Variants in PRKCA observed in about 807,000 individuals in gnomAD.
PRKCA encodes the protein protein kinase C alpha type.
PRKCA carries 27 observed loss-of-function variants against 87.0 expected under a neutral mutation model. The observed-to-expected ratio is 0.31, with a 90% CI of 0.23 to 0.43. The LOEUF (loss-of-function observed/expected upper bound fraction) is 0.43. PRKCA is among the 20% of genes least tolerant of loss of function. The pLI is 1.00. For missense variants in PRKCA, 518 were observed against 852.3 expected (o/e 0.61, Z 4.88); for synonymous variants, 329 against 311.1 (o/e 1.06, Z -0.61).
intron 14 of PRKCA, among the ~76,000 whole-genome samples, chr17:66,783,013 A>G (rs1294659448): frequency 6.6e-6 from 1 of 152,200 alleles, no homozygotes; most frequent in Non-Finnish European, 1.5e-5. Context: ...TCCTACCCTC[A>G]TGCCCACGAT....
At chr17:66,356,151 A>C (rs1908033641) in intron 2 of PRKCA, among the ~76,000 whole-genome samples, 1 of 152,132 alleles carries the variant, frequency 6.6e-6, no homozygotes, top group African/African-American at 2.4e-5. Context: ...CACCCACCTC[A>C]GCCTCCCAAA....
At chr17:66,312,648 G>A (rs1424020579) in intron 2 of PRKCA, among the ~76,000 whole-genome samples, 1 of 149,744 alleles carries the variant, frequency 6.7e-6, no homozygotes, top group Non-Finnish European at 1.5e-5. Context: ...GATGATATCT[G>A]TTTCACCTGT....
intron 5 of PRKCA, among the ~76,000 whole-genome samples, chr17:66,670,358 A>G (rs1320278973): frequency 1.3e-5 from 2 of 152,204 alleles, no homozygotes; most frequent in Non-Finnish European, 2.9e-5. Context: ...TAGAGATCCC[A>G]TACTCCAGAT....
chr17:66,573,663 T>C (rs192603667), intron 3 of PRKCA, among the ~76,000 whole-genome samples: 1 of 152,346 alleles, frequency 6.6e-6, no homozygotes, highest in African/African-American at 2.4e-5. Context: ...CAACAAAGCA[T>C]AACATTATTC....
chr17:66,557,536 T>G (rs1968536750), intron 3 of PRKCA, among the ~76,000 whole-genome samples: 1 of 152,160 alleles, frequency 6.6e-6, no homozygotes, highest in Admixed American at 6.5e-5. Context: ...TTCGAATGAA[T>G]AAATTCAACA....
intron 5 of PRKCA, among the ~76,000 whole-genome samples, chr17:66,670,720 G>A (rs189690622): frequency 1.1e-4 from 16 of 152,050 alleles, no homozygotes; most frequent in South Asian, 2.1e-4. Flanking sequence ...AGAAATGACC[G>A]GTGTGATGGC....
Position 66,786,896 on chromosome 17 carries a change from G to A in PRKCA, c.1635G>A (p.Glu545=). The A allele has an allele frequency of 6.2e-7, 1 of 1,614,112 alleles. No individual in the cohort carries two copies. Among genetic ancestry groups the A allele is most frequent in the Admixed American group, 1.7e-5 (1 of 60,016 alleles). ...CATTTGATGGTGAAGATGAAGACGA[G>A]CTATTTCAGTCTATCATGGAGCACA... The part of the protein sequence containing the change: ...QPPFDGEDED[E]LFQSIMEHNV... Residue 545 remains glutamate, a synonymous_variant, in exon 15 of 17, where the codon GAG becomes GAA. Transcript: ENST00000413366.
intron 2 of PRKCA, among the ~76,000 whole-genome samples, chr17:66,314,058 T>C (rs182251507): frequency 8.3e-4 from 127 of 152,282 alleles, no homozygotes; most frequent in Admixed American, 1.8e-3. Context: ...ATCTTAGAAA[T>C]AGAGCTAAAG....
chr17:66,357,581 C>T (rs558219115), intron 2 of PRKCA, among the ~76,000 whole-genome samples: 13 of 152,294 alleles, frequency 8.5e-5, no homozygotes, highest in South Asian at 8.3e-4. Flanking sequence ...AATACTGGCG[C>T]TACTTGTTAG....
chr17:66,717,828 G>T (rs1254372395), intron 8 of PRKCA, among the ~76,000 whole-genome samples: 1 of 152,188 alleles, frequency 6.6e-6, no homozygotes, highest in Non-Finnish European at 1.5e-5. Flanking sequence ...TGGTTCTGAG[G>T]CCCTCGCTGC....
At chr17:66,332,228 TC>T (rs762924883) in intron 2 of PRKCA, among the ~76,000 whole-genome samples, 2 of 137,668 alleles carry the variant, frequency 1.5e-5, no homozygotes, top group Non-Finnish European at 1.5e-5. Flanking sequence ...CTTCCTTCCT[TC>T]TTTTTTTTTT....
At chr17:66,656,436 C>T (rs912925125) in intron 5 of PRKCA, among the ~76,000 whole-genome samples, 3 of 152,198 alleles carry the variant, frequency 2.0e-5, no homozygotes, top group African/African-American at 7.2e-5. Context: ...ATTGACTGAG[C>T]AGGTCATTCT....
intron 8 of PRKCA, among the ~76,000 whole-genome samples, chr17:66,712,012 C>G (rs924686673): frequency 6.6e-6 from 1 of 152,132 alleles, no homozygotes. Context: ...TTACTGCCCC[C>G]CCTCCACCCC....
At chr17:66,673,080 C>T (rs1433451359) in intron 5 of PRKCA, among the ~76,000 whole-genome samples, 1 of 152,108 alleles carries the variant, frequency 6.6e-6, no homozygotes, top group Admixed American at 6.5e-5. Context: ...CTCTCATAAC[C>T]TGGGAAATAT....
intron 5 of PRKCA, among the ~76,000 whole-genome samples, chr17:66,657,712 G>A (rs963553268): frequency 6.6e-6 from 1 of 152,140 alleles, no homozygotes; most frequent in African/African-American, 2.4e-5. Flanking sequence ...GTTAGAAATA[G>A]CACCAGAGCC....
intron 2 of PRKCA, among the ~76,000 whole-genome samples, chr17:66,483,907 A>G (rs564613701): frequency 3.9e-5 from 6 of 152,176 alleles, no homozygotes; most frequent in Admixed American, 6.5e-5. Context: ...CTAGAACATC[A>G]ACATGAATTT....
At position 66,327,026 on chromosome 17, in the gene PRKCA, A is replaced by C. The variant is rs148963618; in HGVS notation, c.205+20899A>C. Among the ~76,000 whole-genome samples the C allele has an allele frequency of 2.2e-4, 33 of 152,186 alleles. No homozygotes were observed. In the East Asian group the frequency reaches 6.2e-3, roughly 29 times the overall value. On this transcript the variant is annotated intron_variant, in intron 2 of 16. Coordinates refer to ENST00000413366, the MANE Select transcript of PRKCA (RefSeq NM_002737.3). ...GAAGGCTATAGTGAGCTATGATCAT[A>C]CCACTGCACTCCAGCCTGAGTGACC... is the stretch of plus-strand genomic sequence containing the variant.
At chr17:66,651,055 A>G (rs540994872) in intron 5 of PRKCA, among the ~76,000 whole-genome samples, 21 of 152,228 alleles carry the variant, frequency 1.4e-4, no homozygotes, top group South Asian at 1.0e-3. Context: ...GGGGAGCCTC[A>G]GTGGCCCTGG....
intron 8 of PRKCA, among the ~76,000 whole-genome samples, chr17:66,717,763 T>G (rs1207690374): frequency 6.6e-6 from 1 of 152,202 alleles, no homozygotes; most frequent in Non-Finnish European, 1.5e-5. Flanking sequence ...AGCATCTTCA[T>G]CTGCATCCTA....
Sources: allele counts gnomAD v4.1 joint callset (sites outside exome capture counted in the v4.1 genomes callset), GRCh38; gene constraint gnomAD v4.1.1; transcripts MANE v1.5; gene names NCBI Gene and HGNC (gene_info 2026-07-23, HGNC 2026-07-21).